The following SUFU variants were observed in gnomAD, a reference collection of about 807,000 sequenced individuals.
SUFU encodes suppressor of fused homolog.
Under a neutral mutation model 58.9 loss-of-function variants are expected in SUFU, and 7 were observed. That is an observed-to-expected ratio of 0.12 (90% confidence interval 0.07 to 0.22). The LOEUF (loss-of-function observed/expected upper bound fraction) is 0.22. Among genes scored for constraint, SUFU ranks in the 10% least tolerant of loss-of-function variants. The pLI is 1.00. For missense variants in SUFU, 451 were observed against 641.3 expected (o/e 0.70, Z 3.20); for synonymous variants, 232 against 254.8 (o/e 0.91, Z 0.85).
At chr10:102,571,268 A>G (rs936910819) in intron 3 of SUFU, among the ~76,000 whole-genome samples, 6 of 152,250 alleles carry the variant, frequency 3.9e-5, no homozygotes, top group African/African-American at 1.4e-4. Flanking sequence ...TTACACTAAG[A>G]TGGCCAGTGA....
intron 4 of SUFU, 89 bp downstream of exon 4, chr10:102,592,813 G>A: frequency 6.7e-7 from 1 of 1,493,066 alleles, no homozygotes; most frequent in East Asian, 2.3e-5. Flanking sequence ...AGTGAAGGGA[G>A]TGGGAGGTTT....
At chr10:102,537,615 T>C (rs2062756258) in intron 2 of SUFU, among the ~76,000 whole-genome samples, 1 of 152,224 alleles carries the variant, frequency 6.6e-6, no homozygotes, top group Non-Finnish European at 1.5e-5. Context: ...TCTATGAATG[T>C]GACTACTCTG....
At chr10:102,594,428 G>A (rs1011125920) in intron 6 of SUFU, among the ~76,000 whole-genome samples, 6 of 152,058 alleles carry the variant, frequency 3.9e-5, no homozygotes, top group Non-Finnish European at 7.4e-5. Context: ...GAGCCACCAC[G>A]GCCACCACCG....
At chr10:102,577,268 G>C (rs1229221609) in intron 3 of SUFU, among the ~76,000 whole-genome samples, 1 of 151,894 alleles carries the variant, frequency 6.6e-6, no homozygotes, top group Non-Finnish European at 1.5e-5. Context: ...ATTTTTAGTA[G>C]AGACAGGGTT....
At chr10:102,585,582 C>T (rs541883272) in intron 3 of SUFU, among the ~76,000 whole-genome samples, 4 of 152,196 alleles carry the variant, frequency 2.6e-5, no homozygotes, top group Non-Finnish European at 5.9e-5. Flanking sequence ...CCAAAGCTCA[C>T]TGCAGCCTCC....
chr10:102,568,933 T>TAC lies in SUFU; in HGVS notation c.454+18828_454+18829insCA, dbSNP rs1564685739. On this transcript the variant is annotated intron_variant, in intron 3 of 11. Coordinates refer to ENST00000369902, the MANE Select transcript of SUFU (RefSeq NM_016169.4). The stretch of plus-strand genomic sequence containing the variant: ...ATATATATATATACACATATATATA[T>TAC]ATATATATATATATATATATATATA... Among the ~76,000 whole-genome samples the TAC allele has an allele frequency of 2.6e-3, 92 of 35,000 alleles. 1 individual carries two copies. Among genetic ancestry groups the TAC allele is most frequent in the South Asian group, 4.9e-3 (3 of 616 alleles). 23.0% of individuals were successfully genotyped at this position (35,000 alleles called of 152,430 possible). A position where few individuals can be genotyped will look rare whatever the true frequency, so the allele number is the denominator to read the frequency against.
At chr10:102,567,728 G>T (rs1003273350) in intron 3 of SUFU, among the ~76,000 whole-genome samples, 3 of 152,166 alleles carry the variant, frequency 2.0e-5, no homozygotes, top group African/African-American at 7.2e-5. Flanking sequence ...CTGGCATGCA[G>T]CAGGTAGACT....
intron 3 of SUFU, among the ~76,000 whole-genome samples, chr10:102,571,085 G>A (rs1318770379): frequency 6.6e-6 from 1 of 152,106 alleles, no homozygotes; most frequent in Non-Finnish European, 1.5e-5. Context: ...CTTCTTCAAG[G>A]TTACACAGTA....
intron 3 of SUFU, among the ~76,000 whole-genome samples, chr10:102,552,270 C>A (rs147923421): frequency 4.6e-5 from 7 of 152,058 alleles, no homozygotes; most frequent in African/African-American, 1.4e-4. Context: ...TGAAGCAAGA[C>A]CCTGTAAATT....
In SUFU at chr10:102,556,125, T is replaced by C. The variant is rs1267002535; in HGVS notation, c.454+6019T>C. ...AGCCTTGGAAATAGCATCAAGGCAG[T>C]GGGAGGCGAATGAAAGGGGAACGAT... On this transcript the variant is annotated intron_variant, in intron 3 of 11. Transcript: ENST00000369902. 2.0e-5 allele frequency among the ~76,000 whole-genome samples: 3 copies of C among 151,796 alleles called. No individual in the cohort carries two copies. In the East Asian group the frequency reaches 5.8e-4, roughly 29 times the overall value.
chr10:102,611,379 G>C (rs993969893), intron 8 of SUFU, among the ~76,000 whole-genome samples: 3 of 152,224 alleles, frequency 2.0e-5, no homozygotes, highest in Non-Finnish European at 4.4e-5. Context: ...GTAGAGCAAA[G>C]GCCTCAGTGT....
rs914820456 is a variant in SUFU, at chr10:102,555,110, T to TA, written c.454+5012dup. ...AGTGAAACCCCGTCTCTACTAAAAA[T>TA]AAAAAAAATTAGCCGGACGTGGTGG... On this transcript the variant is annotated intron_variant, in intron 3 of 11. Coordinates refer to ENST00000369902, the MANE Select transcript of SUFU (RefSeq NM_016169.4). Among the ~76,000 whole-genome samples the TA allele has an allele frequency of 1.5e-4, 23 of 151,376 alleles. No homozygotes were observed. In the East Asian group the frequency reaches 3.9e-3, roughly 26 times the overall value.
chr10:102,579,495 T>C (rs1467575778), intron 3 of SUFU, among the ~76,000 whole-genome samples: 1 of 152,216 alleles, frequency 6.6e-6, no homozygotes, highest in Non-Finnish European at 1.5e-5. Context: ...TACACTTCAC[T>C]GTTTGCCTTT....
At chr10:102,582,558 A>AC (rs984503089) in intron 3 of SUFU, among the ~76,000 whole-genome samples, 1 of 151,662 alleles carries the variant, frequency 6.6e-6, no homozygotes, top group Non-Finnish European at 1.5e-5. Context: ...CCTGTTCAGC[A>AC]CCCCCCACGT....
chr10:102,613,830 G>A (rs987245721), intron 8 of SUFU, among the ~76,000 whole-genome samples: 2 of 152,250 alleles, frequency 1.3e-5, no homozygotes, highest in African/African-American at 4.8e-5. Flanking sequence ...TGTCCCAGCC[G>A]TGGGCCGCAC....
In SUFU at chr10:102,630,169, C is replaced by T. The variant is rs1199301434; in HGVS notation, c.*14C>T. 6.2e-7 allele frequency: 1 copy of T among 1,610,452 alleles called. No homozygotes were observed. Among genetic ancestry groups the T allele is most frequent in the Non-Finnish European group, 8.5e-7 (1 of 1,176,764 alleles). On this transcript the variant is annotated 3_prime_UTR_variant, in exon 12 of 12. Coordinates refer to ENST00000369902, the MANE Select transcript of SUFU (RefSeq NM_016169.4). ...CCGCTACACTAGCCTGGGCTGGGCC[C>T]TGCAGTGGCCAGCAGGGAGCCCAGC...
chr10:102,593,857 T>A (rs756761466), intron 5 of SUFU, 136 bp downstream of exon 5: 12 of 1,367,142 alleles, frequency 8.8e-6, no homozygotes, highest in Non-Finnish European at 1.2e-5. Flanking sequence ...TCCTGACGAC[T>A]CACTCCCTGA....
intron 11 of SUFU, among the ~76,000 whole-genome samples, chr10:102,627,804 G>A (rs980174876): frequency 6.6e-6 from 1 of 152,192 alleles, no homozygotes; most frequent in Non-Finnish European, 1.5e-5. Flanking sequence ...AGCTGTGGCT[G>A]TGCCTTCTTT....
intron 8 of SUFU, among the ~76,000 whole-genome samples, chr10:102,606,688 G>A (rs1301336126): frequency 6.6e-6 from 1 of 152,176 alleles, no homozygotes; most frequent in Non-Finnish European, 1.5e-5. Context: ...GGTGCACAGA[G>A]GAAAGCTGGT....
Sources: gnomAD v4.1 joint callset for allele counts (sites outside exome capture counted in the v4.1 genomes callset) on GRCh38, gnomAD v4.1.1 for gene constraint, MANE v1.5 for transcripts, NCBI Gene and HGNC (gene_info 2026-07-23, HGNC 2026-07-21) for gene names.